Variants in IQGAP2 observed in about 807,000 individuals in gnomAD.
IQGAP2 encodes IQ motif containing GTPase activating protein 2.
IQGAP2 carries 173 observed loss-of-function variants against 201.3 expected under a neutral mutation model. The ratio of observed to expected loss-of-function variants is 0.86; its 90% CI spans 0.76 to 0.98. The LOEUF (loss-of-function observed/expected upper bound fraction) is 0.98. Among genes scored for constraint, IQGAP2 ranks in the 50% least tolerant of loss-of-function variants. The pLI, the probability that IQGAP2 is intolerant of heterozygous loss-of-function variation, is 0.00. For synonymous variants in IQGAP2, 675 were observed against 673.9 expected (o/e 1.00, Z -0.03); for missense variants, 1,687 against 1,864.8 (o/e 0.90, Z 1.76).
chr5:76,438,020 T>TGG (rs1268326030), intron 1 of IQGAP2, among the ~76,000 whole-genome samples: 8,505 of 81,866 alleles, frequency 0.1, 762 homozygotes, highest in African/African-American at 0.26. Flanking sequence ...TTTTTTTTTT[T>TGG]TTTTTTTTTT....
At chr5:76,580,610 A>G (rs527580616) in intron 5 of IQGAP2, among the ~76,000 whole-genome samples, 1 of 151,950 alleles carries the variant, frequency 6.6e-6, no homozygotes, top group East Asian at 1.9e-4. Context: ...TATTCTCTTG[A>G]TTATTGTTTT....
intron 23 of IQGAP2, among the ~76,000 whole-genome samples, chr5:76,670,220 TAAAC>T (rs1352689861): frequency 2.0e-5 from 3 of 151,870 alleles, no homozygotes; most frequent in African/African-American, 4.8e-5. Context: ...AGTCAAAAAA[TAAAC>T]AAAAAGGCCG....
intron 32 of IQGAP2, among the ~76,000 whole-genome samples, chr5:76,697,686 A>C (rs1305612414): frequency 2.0e-5 from 3 of 152,226 alleles, no homozygotes; most frequent in Non-Finnish European, 2.9e-5. Flanking sequence ...GCCCCTTTTA[A>C]AACGCAATTT....
At chr5:76,540,067 G>A (rs1742659559) in intron 2 of IQGAP2, among the ~76,000 whole-genome samples, 3 of 152,148 alleles carry the variant, frequency 2.0e-5, no homozygotes, top group Admixed American at 2.0e-4. Context: ...AGGAATTGGA[G>A]GTTCAAAGCG....
intron 9 of IQGAP2, among the ~76,000 whole-genome samples, chr5:76,593,725 A>G (rs1262460156): frequency 6.6e-6 from 1 of 152,262 alleles, no homozygotes; most frequent in Non-Finnish European, 1.5e-5. Context: ...AAGGCCATTT[A>G]GCCTGCTTAA....
At chr5:76,666,002 C>T (rs1396586403) in intron 22 of IQGAP2, among the ~76,000 whole-genome samples, 1 of 152,182 alleles carries the variant, frequency 6.6e-6, no homozygotes, top group East Asian at 1.9e-4. Flanking sequence ...TCCTTCAAAG[C>T]CTGGAGATGC....
intron 11 of IQGAP2, among the ~76,000 whole-genome samples, chr5:76,602,019 T>C (rs1304377098): frequency 6.6e-6 from 1 of 152,204 alleles, no homozygotes. Context: ...TCCTGTAAGC[T>C]TAGAAACCTG....
At chr5:76,631,061 C>T (rs1380650087) in intron 14 of IQGAP2, among the ~76,000 whole-genome samples, 2 of 152,198 alleles carry the variant, frequency 1.3e-5, no homozygotes, top group African/African-American at 4.8e-5. Flanking sequence ...TCTCCCTTCT[C>T]TTTTCCTCAA....
intron 2 of IQGAP2, among the ~76,000 whole-genome samples, chr5:76,543,127 AT>A (rs1430712386): frequency 6.6e-6 from 1 of 152,138 alleles, no homozygotes; most frequent in African/African-American, 2.4e-5. Context: ...CGTCACAGCC[AT>A]GAAATGGAGG....
intron 2 of IQGAP2, among the ~76,000 whole-genome samples, chr5:76,522,152 T>C (rs1332025622): frequency 1.3e-5 from 2 of 151,820 alleles, no homozygotes; most frequent in Non-Finnish European, 2.9e-5. Flanking sequence ...CTTCTTCTTT[T>C]ATGTAACCAG....
chr5:76,468,391 T>C (rs577311531), intron 2 of IQGAP2, among the ~76,000 whole-genome samples: 1 of 152,360 alleles, frequency 6.6e-6, no homozygotes, highest in Non-Finnish European at 1.5e-5. Flanking sequence ...GGTTGAACTT[T>C]TTACTCAAGA....
intron 15 of IQGAP2, among the ~76,000 whole-genome samples, 185 bp from the exon 16 acceptor site, chr5:76,636,849 G>T (rs1751167476): frequency 6.6e-6 from 1 of 152,090 alleles, no homozygotes; most frequent in South Asian, 2.1e-4. Flanking sequence ...CTTTTCTTTG[G>T]GTTAGCAGGC....
At chr5:76,426,767 C>G (rs187472553) in intron 1 of IQGAP2, among the ~76,000 whole-genome samples, 1 of 152,264 alleles carries the variant, frequency 6.6e-6, no homozygotes, top group East Asian at 1.9e-4. Flanking sequence ...AACCTAAGGC[C>G]TGTGCTGCAT....
chr5:76,649,248 CTGAA>C (rs1752324189), intron 17 of IQGAP2, among the ~76,000 whole-genome samples: 1 of 152,170 alleles, frequency 6.6e-6, no homozygotes. Context: ...GAATCAAAGG[CTGAA>C]TGAGGAGTCT....
intron 1 of IQGAP2, among the ~76,000 whole-genome samples, chr5:76,416,301 C>T (rs1175306772): frequency 2.0e-5 from 3 of 152,194 alleles, no homozygotes; most frequent in Non-Finnish European, 4.4e-5. Context: ...GGAAGGGAAA[C>T]ATTTGTGAGC....
At chr5:76,417,803 A>T (rs1751497300) in intron 1 of IQGAP2, among the ~76,000 whole-genome samples, 1 of 150,738 alleles carries the variant, frequency 6.6e-6, no homozygotes, top group Non-Finnish European at 1.5e-5. Context: ...GCTGGTCTTG[A>T]ACTCCTGAGC....
At chr5:76,545,901 C>G (rs4704331) in intron 2 of IQGAP2, among the ~76,000 whole-genome samples, 35,038 of 152,128 alleles carry the variant, frequency 0.23, 4,566 homozygotes, top group East Asian at 0.48. Context: ...TTTATATAAT[C>G]AGTTATTACT....
intron 35 of IQGAP2, among the ~76,000 whole-genome samples, chr5:76,702,823 A>T (rs912146298): frequency 6.6e-6 from 1 of 151,998 alleles, no homozygotes; most frequent in African/African-American, 2.4e-5. Context: ...TCTCTAAGCC[A>T]TGTTTCCATT....
At chr5:76,582,919 G>A (rs1745975694) in intron 5 of IQGAP2, among the ~76,000 whole-genome samples, 1 of 152,204 alleles carries the variant, frequency 6.6e-6, no homozygotes. Context: ...CAATGAGTCG[G>A]TAGCTACCTC....
Sources: allele counts gnomAD v4.1 joint callset (sites outside exome capture counted in the v4.1 genomes callset), GRCh38; gene constraint gnomAD v4.1.1; transcripts MANE v1.5; gene names NCBI Gene and HGNC (gene_info 2026-07-23, HGNC 2026-07-21).